GRIP1: variants seen among roughly 807,000 people sequenced by gnomAD.
GRIP1 encodes glutamate receptor interacting protein 1.
Under a neutral mutation model 129.9 loss-of-function variants are expected in GRIP1, and 45 were observed. The ratio of observed to expected loss-of-function variants is 0.35; its 90% CI spans 0.27 to 0.44. GRIP1 has a LOEUF of 0.44. GRIP1 is among the 20% of genes least tolerant of loss of function. The pLI is 1.00. For missense variants in GRIP1, 1,196 were observed against 1,396.8 expected (o/e 0.86, Z 2.29); for synonymous variants, 530 against 520.8 (o/e 1.02, Z -0.24).
At chr12:66,960,559 C>T (rs931584864) in intron 1 of GRIP1, among the ~76,000 whole-genome samples, 27 of 152,116 alleles carry the variant, frequency 1.8e-4, no homozygotes, top group African/African-American at 6.3e-4. Context: ...GGTTCATGAG[C>T]GTGTTAACAT....
intron 1 of GRIP1, among the ~76,000 whole-genome samples, chr12:66,602,883 G>A (rs2064343728): frequency 2.1e-5 from 2 of 96,586 alleles, no homozygotes; most frequent in African/African-American, 8.0e-5. Context: ...TTTTGAGATA[G>A]GGTCTCACTC....
chr12:67,031,760 G>A (rs2135780704), intron 1 of GRIP1, among the ~76,000 whole-genome samples: 1 of 151,746 alleles, frequency 6.6e-6, no homozygotes, highest in South Asian at 2.1e-4. Context: ...TACGCACTTT[G>A]CCTCTCTCAT....
At position 66,465,179 on chromosome 12, in the gene GRIP1, C is replaced by T. The variant is rs965414939; in HGVS notation, c.872+96G>A. 8.1e-6 allele frequency: 8 copies of T among 984,680 alleles called. No individual in the cohort carries two copies. The Admixed American group carries it at 8.7e-5, about 11-fold the overall frequency. The allele number at this position is 984,680 out of a possible 1,614,324, so 61.0% of individuals were successfully genotyped here. On this transcript the variant is annotated intron_variant, in intron 8 of 24. Coordinates refer to ENST00000359742, the MANE Select transcript of GRIP1 (RefSeq NM_001366722.1). ...CAAGCTGGTCTCGAACTCCTGACCT[C>T]AGGTGATTCACCCGCCTCGGCCTCC...
At chr12:67,043,657 C>T (rs956316663) in intron 1 of GRIP1, among the ~76,000 whole-genome samples, 11 of 152,126 alleles carry the variant, frequency 7.2e-5, no homozygotes, top group Admixed American at 6.6e-4. Context: ...TTCTCCCACC[C>T]CTTCTCCCAA....
At chr12:67,061,826 CATT>C (rs1375951180) in intron 1 of GRIP1, among the ~76,000 whole-genome samples, 1 of 152,136 alleles carries the variant, frequency 6.6e-6, no homozygotes, top group Non-Finnish European at 1.5e-5. Flanking sequence ...TATTCTACCA[CATT>C]ATGTTTACTT....
At chr12:66,761,819 C>G (rs1406463498) in intron 1 of GRIP1, among the ~76,000 whole-genome samples, 1 of 152,162 alleles carries the variant, frequency 6.6e-6, no homozygotes, top group African/African-American at 2.4e-5. Flanking sequence ...CCTCAAGTCT[C>G]TGTGTTTCAT....
chr12:66,611,928 A>G (rs2064813620), intron 1 of GRIP1, among the ~76,000 whole-genome samples: 1 of 152,198 alleles, frequency 6.6e-6, no homozygotes, highest in Non-Finnish European at 1.5e-5. Flanking sequence ...CTTTTTGTAG[A>G]GAGAGAACAT....
At chr12:66,524,355 G>A (rs1332675694) in intron 5 of GRIP1, among the ~76,000 whole-genome samples, 4 of 152,136 alleles carry the variant, frequency 2.6e-5, no homozygotes, top group African/African-American at 9.7e-5. Context: ...AATCAAACTA[G>A]AACTCAGGAT....
intron 1 of GRIP1, among the ~76,000 whole-genome samples, chr12:67,055,402 G>A (rs929345767): frequency 3.4e-5 from 5 of 145,744 alleles, no homozygotes; most frequent in Non-Finnish European, 7.4e-5. Flanking sequence ...ATGGCCACAG[G>A]TGAAGCAGAA....
At chr12:66,944,450 A>G (rs1281202709) in intron 1 of GRIP1, among the ~76,000 whole-genome samples, 2 of 151,610 alleles carry the variant, frequency 1.3e-5, no homozygotes, top group Admixed American at 6.6e-5. Flanking sequence ...CCTTAGTTAG[A>G]GCATTTTACA....
At chr12:66,626,621 T>A (rs2030086762) in intron 1 of GRIP1, 1 of 152,294 alleles carries the variant, frequency 6.6e-6, no homozygotes, top group South Asian at 2.1e-4. Context: ...GTCCTTACTT[T>A]CTCTTGGCTT....
intron 6 of GRIP1, among the ~76,000 whole-genome samples, chr12:66,517,454 T>C (rs776328949): frequency 6.6e-6 from 1 of 152,150 alleles, no homozygotes. Context: ...AATAAGAATG[T>C]TGAGAATGGT....
intron 1 of GRIP1, among the ~76,000 whole-genome samples, chr12:66,861,262 G>A (rs917298559): frequency 2.6e-5 from 4 of 152,116 alleles, no homozygotes; most frequent in Admixed American, 2.0e-4. Flanking sequence ...AACAGAATGA[G>A]TATTTATAAA....
At chr12:66,918,888 GA>G (rs1254531429) in intron 1 of GRIP1, among the ~76,000 whole-genome samples, 2 of 152,076 alleles carry the variant, frequency 1.3e-5, no homozygotes, top group Non-Finnish European at 2.9e-5. Flanking sequence ...AAGGGTACAT[GA>G]AAAAATTATA....
At chr12:66,498,095 A>G (rs1459829827) in intron 7 of GRIP1, among the ~76,000 whole-genome samples, 1 of 152,136 alleles carries the variant, frequency 6.6e-6, no homozygotes, top group African/African-American at 2.4e-5. Context: ...CAAATCCTAT[A>G]AAACTGCCCC....
rs35306665 is a variant in GRIP1 at position 66,979,222 on chromosome 12, TAAAAAAAAAAAAA to T, written c.58+89815_58+89827del. Among the ~76,000 whole-genome samples, 24 of 41,458 alleles carry T rather than the reference TAAAAAAAAAAAAA, an allele frequency of 5.8e-4. No individual in the cohort carries two copies. The South Asian group carries it at 6.3e-3, about 11-fold the overall frequency. 27.2% of individuals were successfully genotyped at this position (41,458 alleles called of 152,430 possible). A position where few individuals can be genotyped will look rare whatever the true frequency, so the allele number is the denominator to read the frequency against. ...CCCCAAGCCACAAAACTTCTCTTCT[TAAAAAAAAAAAAA>T]AAAAAAAAAAAAAAAAAAACAAGCC... On this transcript the variant is annotated intron_variant, in intron 1 of 1. Transcript: ENST00000643019.
chr12:66,954,381 T>C (rs1355678167), intron 1 of GRIP1, among the ~76,000 whole-genome samples: 1 of 152,160 alleles, frequency 6.6e-6, no homozygotes, highest in Non-Finnish European at 1.5e-5. Context: ...ACAGTCCTTT[T>C]GTGTGTGCAA....
intron 19 of GRIP1, among the ~76,000 whole-genome samples, chr12:66,386,963 T>G (rs2056384710): frequency 6.6e-6 from 1 of 152,214 alleles, no homozygotes; most frequent in Non-Finnish European, 1.5e-5. Context: ...AATAACAGAA[T>G]GCAACCTCCA....
chr12:66,588,172 T>C (rs979821370), intron 2 of GRIP1, among the ~76,000 whole-genome samples: 3 of 152,144 alleles, frequency 2.0e-5, no homozygotes, highest in African/African-American at 7.2e-5. Context: ...AGTTTCAGAA[T>C]AAGTAGTTAA....
Sources: allele counts gnomAD v4.1 joint callset (sites outside exome capture counted in the v4.1 genomes callset), GRCh38; gene constraint gnomAD v4.1.1; transcripts MANE v1.5; gene names NCBI Gene and HGNC (gene_info 2026-07-23, HGNC 2026-07-21).